WDR11: variants seen among roughly 807,000 people sequenced by gnomAD.
WDR11 encodes WD repeat-containing protein 11.
In WDR11, 83 loss-of-function variants were observed where a neutral mutation model predicts 151.2. The observed-to-expected ratio is 0.55, with a 90% CI of 0.46 to 0.66. WDR11 has a LOEUF of 0.66. WDR11 is among the 30% of genes least tolerant of loss of function. The pLI, the probability that WDR11 is intolerant of heterozygous loss-of-function variation, is 0.00. For missense variants in WDR11, 1,301 were observed against 1,480.9 expected, an observed-to-expected ratio of 0.88 and a Z score of 1.99; for synonymous variants, 484 against 533.1, an observed-to-expected ratio of 0.91 and a Z score of 1.27.
intron 19 of WDR11, among the ~76,000 whole-genome samples, chr10:120,897,292 C>T (rs974862609): frequency 2.0e-5 from 3 of 152,224 alleles, no homozygotes; most frequent in Admixed American, 6.5e-5. Flanking sequence ...AAAATCACCA[C>T]TTTGCAGCCC....
intron 4 of WDR11, among the ~76,000 whole-genome samples, 199 bp downstream of exon 4, chr10:120,860,481 A>G (rs537336395): frequency 8.5e-4 from 129 of 152,340 alleles, no homozygotes; most frequent in African/African-American, 2.9e-3. Flanking sequence ...TGCAAATATG[A>G]TAAAAAATTA....
intron 2 of WDR11, among the ~76,000 whole-genome samples, chr10:120,857,378 A>G (rs1845984656): frequency 6.6e-6 from 1 of 152,222 alleles, no homozygotes; most frequent in African/African-American, 2.4e-5. Flanking sequence ...TTGAGGTTGC[A>G]AATTATAGTG....
chr10:120,903,240 G>C lies in WDR11; in HGVS notation c.2931+8G>C, dbSNP rs1240644185. 6.2e-7 allele frequency: 1 copy of C among 1,613,986 alleles called. No individual in the cohort carries two copies. The highest frequency in any genetic ancestry group is 8.5e-7 in the Non-Finnish European group (1 of 1,179,994). On this transcript the variant is annotated splice_region_variant and intron_variant, in intron 23 of 28. Coordinates refer to ENST00000263461, the MANE Select transcript of WDR11 (RefSeq NM_018117.12). Reference sequence around the variant, plus strand: ...GAAAATGCCTACTTTCAGGTAGTCTGCTTCACACAGCAAAACCTTTAGAGC... The same window carrying C: ...GAAAATGCCTACTTTCAGGTAGTCTCCTTCACACAGCAAAACCTTTAGAGC...
intron 10 of WDR11, among the ~76,000 whole-genome samples, chr10:120,872,562 G>C (rs1275799926): frequency 3.9e-4 from 1 of 2,538 alleles, no homozygotes; most frequent in African/African-American, 5.3e-4. Flanking sequence ...GTATAACAAA[G>C]TAAAAATATA....
intron 2 of WDR11, among the ~76,000 whole-genome samples, chr10:120,853,555 G>T (rs1332347030): frequency 6.6e-6 from 1 of 152,112 alleles, no homozygotes; most frequent in Non-Finnish European, 1.5e-5. Context: ...GTGAGTCACC[G>T]CGCCCAGCAG....
Position 120,908,866 on chromosome 10 carries a change from A to G in WDR11, c.*153A>G, listed in dbSNP as rs1848178775. 1 of 779,730 alleles carries G rather than the reference A, an allele frequency of 1.3e-6. No homozygotes were observed. The highest frequency in any genetic ancestry group is 2.2e-6 in the Non-Finnish European group (1 of 459,482). The allele number at this position is 779,730 out of a possible 1,614,324, so 48.3% of individuals were successfully genotyped here. On this transcript the variant is annotated 3_prime_UTR_variant, in exon 29 of 29. Transcript: ENST00000263461. ...TAAGACTATGTGTGCCCAAAAGCAC[A>G]TAAGCATCTATGTTGAGAGTAAGTT... is the stretch of plus-strand genomic sequence containing the variant.
chr10:120,852,593 A>G lies in WDR11; in HGVS notation c.156A>G (p.Gln52=). ...LVVVIDSITA[Q]TLQVLEKHKA... is the part of the protein sequence containing the mutation. The stretch of plus-strand genomic sequence containing the variant: ...TAGTGATTGATTCCATTACTGCCCA[A>G]ACTCTTCAAGTTTTAGAAAAGCATA... Residue 52 remains glutamine (Q), a synonymous_variant, in exon 2 of 29, where the codon CAA becomes CAG. Transcript: ENST00000263461. The G allele has an allele frequency of 6.2e-7, 1 of 1,614,060 alleles. No individual in the cohort carries two copies. The highest frequency in any genetic ancestry group is 8.5e-7 in the Non-Finnish European group (1 of 1,179,980).
chr10:120,864,965 T>A, intron 5 of WDR11, 82 bp from the exon 6 acceptor site: 1 of 1,492,692 alleles, frequency 6.7e-7, no homozygotes, highest in Non-Finnish European at 9.3e-7. Flanking sequence ...TCAATTTTTA[T>A]GTGTAAAGTA....
Position 120,867,174 on chromosome 10 carries a change from G to A in WDR11, c.1294+5G>A. On this transcript the variant is annotated splice_donor_5th_base_variant and intron_variant, in intron 9 of 28. Coordinates refer to ENST00000263461, the MANE Select transcript of WDR11 (RefSeq NM_018117.12). The stretch of plus-strand genomic sequence containing the variant: ...TTTCCTTAGATAACATGATTGGTAA[G>A]CTTTTTTCCCCTCTAACTCCATGTT... 1 of 1,602,826 alleles carries A rather than the reference G, an allele frequency of 6.2e-7. No homozygotes were observed.
intron 11 of WDR11, among the ~76,000 whole-genome samples, chr10:120,875,489 A>G (rs2133765943): frequency 6.6e-6 from 1 of 152,282 alleles, no homozygotes; most frequent in Admixed American, 6.5e-5. Flanking sequence ...AGTTACATAT[A>G]TAAAATATGA....
At chr10:120,876,924 T>TA (rs879581477) in intron 11 of WDR11, among the ~76,000 whole-genome samples, 5 of 152,208 alleles carry the variant, frequency 3.3e-5, no homozygotes, top group Admixed American at 2.0e-4. Context: ...CACTTATACT[T>TA]ACAGTGCATG....
chr10:120,872,647 G>A (rs1307859937), intron 10 of WDR11, among the ~76,000 whole-genome samples: 1 of 152,074 alleles, frequency 6.6e-6, no homozygotes, highest in East Asian at 1.9e-4. Context: ...AATTCTCCTT[G>A]TGGTGCCCCT....
chr10:120,858,662 A>G lies in WDR11; in HGVS notation c.218A>G (p.Asn73Ser). The G allele has an allele frequency of 6.2e-7, 1 of 1,614,220 alleles. No homozygotes were observed. The highest frequency in any genetic ancestry group is 1.7e-5 in the Admixed American group (1 of 60,032). ...ATACAGGTTAAATGGGCCAGGGAAA[A>G]CTATCACCATAACATTGGCTCACCA... ...DVVKVKWARENYHHNIGSPYC... is the reference protein window; with the variant it reads ...DVVKVKWARESYHHNIGSPYC... Residue 73 changes from asparagine (N) to serine (S), a missense_variant, in exon 3 of 29, where the codon AAC becomes AGC. Physicochemically the swap from Asn to Ser is conservative, Grantham distance 46. Around this residue, in one of 3 missense-constraint regions of WDR11, gnomAD observed 692 missense variants for 762.5 expected, o/e 0.91. Transcript: ENST00000263461.
chr10:120,900,714 T>C (rs193151887), intron 20 of WDR11, among the ~76,000 whole-genome samples: 1 of 152,326 alleles, frequency 6.6e-6, no homozygotes, highest in Non-Finnish European at 1.5e-5. Context: ...CAGATTCCTT[T>C]AGTAACATTG....
At chr10:120,882,979 A>G (rs1417654970) in intron 13 of WDR11, among the ~76,000 whole-genome samples, 1 of 152,152 alleles carries the variant, frequency 6.6e-6, no homozygotes, top group Non-Finnish European at 1.5e-5. Flanking sequence ...GTTTTCCTGT[A>G]TCCTACAATT....
rs1848012017 is a variant in WDR11, at chr10:120,905,704, T to C, written c.3292-172T>C. The C allele has an allele frequency of 7.3e-6, 9 of 1,226,846 alleles. No homozygotes were observed. The African/African-American group carries it at 9.0e-5, about 12-fold the overall frequency. 76.0% of individuals were successfully genotyped at this position (1,226,846 alleles called of 1,614,324 possible). The stretch of plus-strand genomic sequence containing the variant: ...AGGTATAGCCAGGCCCTGGGTCCCG[T>C]AGGCACAGACCGTTATCATTATTCA... On this transcript the variant is annotated intron_variant, in intron 26 of 28. Coordinates refer to ENST00000263461, the MANE Select transcript of WDR11 (RefSeq NM_018117.12).
chr10:120,875,389 TTC>T (rs1438443381), intron 11 of WDR11, among the ~76,000 whole-genome samples: 2 of 152,274 alleles, frequency 1.3e-5, no homozygotes, highest in African/African-American at 2.4e-5. Flanking sequence ...TTGCTTTCTG[TTC>T]CAAAATGCCT....
intron 12 of WDR11, 154 bp from the exon 13 acceptor site, chr10:120,880,672 A>G (rs200964194): frequency 5.5e-6 from 4 of 732,836 alleles, no homozygotes; most frequent in Non-Finnish European, 8.8e-6. Flanking sequence ...AAAAAACCCG[A>G]AAAAACAGAA....
intron 10 of WDR11, among the ~76,000 whole-genome samples, 188 bp downstream of exon 10, chr10:120,871,534 T>C (rs1048798830): frequency 9.2e-5 from 14 of 152,040 alleles, no homozygotes; most frequent in Non-Finnish European, 1.5e-5. Flanking sequence ...CCAACTGTCT[T>C]ATATTGAATT....
Sources: allele counts gnomAD v4.1 joint callset (sites outside exome capture counted in the v4.1 genomes callset), GRCh38; gene constraint gnomAD v4.1.1; regional missense constraint gnomAD v4.1.1; transcripts MANE v1.5; gene names NCBI Gene and HGNC (gene_info 2026-07-23, HGNC 2026-07-21).